The following CD247 variants were observed in gnomAD, a reference collection of about 807,000 sequenced individuals.
CD247 encodes CD247 molecule, also known as T-cell surface glycoprotein CD3 zeta chain.
A neutral mutation model predicts 30.0 loss-of-function variants in CD247; 13 were observed. The ratio of observed to expected loss-of-function variants is 0.43; its 90% CI spans 0.28 to 0.69. CD247 has a LOEUF of 0.69. Among genes scored for constraint, CD247 ranks in the 30% least tolerant of loss-of-function variants. The pLI is 0.16. For missense variants in CD247, 193 were observed against 212.6 expected (o/e 0.91, Z 0.57); for synonymous variants, 72 against 80.0 (o/e 0.90, Z 0.53).
Position 167,431,266 on chromosome 1 carries a change from A to T in CD247, c.*415T>A. 1 of 518,154 alleles carries T rather than the reference A, an allele frequency of 1.9e-6. No homozygotes were observed. The highest frequency in any genetic ancestry group is 3.4e-6 in the Non-Finnish European group (1 of 296,154). 32.1% of individuals were successfully genotyped at this position (518,154 alleles called of 1,614,324 possible). A position where few individuals can be genotyped will look rare whatever the true frequency, so the allele number is the denominator to read the frequency against. ...AGGTGACAACAGAAGCCAAATTTAC[A>T]GCAGGAGTGAAGCCACTCAGACACA... On this transcript the variant is annotated 3_prime_UTR_variant, in exon 8 of 8. Coordinates refer to ENST00000362089, the MANE Select transcript of CD247 (RefSeq NM_198053.3).
At chr1:167,497,309 T>C (rs1338933648) in intron 1 of CD247, among the ~76,000 whole-genome samples, 1 of 152,254 alleles carries the variant, frequency 6.6e-6, no homozygotes, top group African/African-American at 2.4e-5. Context: ...TTTCTCTTTG[T>C]TCTTTTCTAC....
intron 1 of CD247, among the ~76,000 whole-genome samples, chr1:167,516,548 T>C (rs537581993): frequency 1.1e-4 from 16 of 152,328 alleles, no homozygotes; most frequent in African/African-American, 3.6e-4. Flanking sequence ...CCGGGGAGAC[T>C]GTGGAGGTGT....
At chr1:167,437,177 C>A (rs1651584598) in intron 4 of CD247, among the ~76,000 whole-genome samples, 2 of 152,042 alleles carry the variant, frequency 1.3e-5, no homozygotes, top group Admixed American at 1.3e-4. Context: ...CTGAGGCGGG[C>A]AGATCACTTG....
intron 7 of CD247, 37 bp downstream of exon 7, chr1:167,432,987 G>A: frequency 6.2e-7 from 1 of 1,612,028 alleles, no homozygotes; most frequent in African/African-American, 1.3e-5. Flanking sequence ...TTGTCAGGTG[G>A]TGCCCCTTCC....
intron 1 of CD247, among the ~76,000 whole-genome samples, chr1:167,505,745 G>A (rs1571597497): frequency 1.3e-5 from 2 of 152,262 alleles, no homozygotes; most frequent in East Asian, 3.8e-4. Context: ...AGGGGGAGTG[G>A]GGAGGGGTTT....
intron 1 of CD247, among the ~76,000 whole-genome samples, chr1:167,488,719 G>A (rs546072594): frequency 1.3e-5 from 2 of 152,308 alleles, no homozygotes; most frequent in Admixed American, 6.5e-5. Flanking sequence ...GTCAAGCAGG[G>A]AATCTTTAGC....
In CD247 at chr1:167,431,714, G is replaced by A. The variant is rs181656780; in HGVS notation, c.462C>T (p.Asp154=). ...GGGGCAGGGCCTGCATGTGAAGGGCGTCGTAGGTGTCCTTGGTGGCTGTAC... is the reference window on the plus strand; with the variant it reads ...GGGGCAGGGCCTGCATGTGAAGGGCATCGTAGGTGTCCTTGGTGGCTGTAC... ...GLSTATKDTY[D]ALHMQALPPR The change falls in exon 8 of 8, where the codon GAC becomes GAT. Residue 154 remains aspartate, a synonymous_variant. Transcript: ENST00000362089. 26 of 1,614,124 alleles carry A rather than the reference G, an allele frequency of 1.6e-5. No homozygotes were observed. The highest frequency in any genetic ancestry group is 3.3e-4 in the Middle Eastern group (2 of 6,062).
At chr1:167,467,595 T>G (rs547544444) in intron 1 of CD247, among the ~76,000 whole-genome samples, 1 of 152,336 alleles carries the variant, frequency 6.6e-6, no homozygotes, top group East Asian at 1.9e-4. Flanking sequence ...CCCTAAGCGT[T>G]GGGGGCTGGC....
chr1:167,476,480 T>A (rs1470679563), intron 1 of CD247, among the ~76,000 whole-genome samples: 3 of 152,216 alleles, frequency 2.0e-5, no homozygotes, highest in African/African-American at 7.2e-5. Context: ...TAAAATAGTA[T>A]AATATATAGG....
chr1:167,513,031 G>T (rs912795778), intron 1 of CD247, among the ~76,000 whole-genome samples: 16 of 152,262 alleles, frequency 1.1e-4, no homozygotes, highest in Middle Eastern at 3.4e-3. Flanking sequence ...ATTTGCCCAA[G>T]AAAGTAACAA....
chr1:167,506,289 T>TTTTTC (rs1311084724), intron 1 of CD247, among the ~76,000 whole-genome samples: 2 of 11,934 alleles, frequency 1.7e-4, no homozygotes, highest in South Asian at 2.7e-3. Flanking sequence ...TTTCTTTTCT[T>TTTTTC]TTTTCTTTTC....
At chr1:167,513,575 G>A (rs1655483867) in intron 1 of CD247, among the ~76,000 whole-genome samples, 1 of 151,948 alleles carries the variant, frequency 6.6e-6, no homozygotes, top group East Asian at 1.9e-4. Context: ...TCTATATTTT[G>A]AGGAAACTGG....
At chr1:167,482,495 A>G (rs1361516248) in intron 1 of CD247, among the ~76,000 whole-genome samples, 2 of 152,204 alleles carry the variant, frequency 1.3e-5, no homozygotes, top group Non-Finnish European at 2.9e-5. Flanking sequence ...ACACTTCTGC[A>G]CTAAGAGTTG....
At chr1:167,498,515 T>C (rs945928785) in intron 1 of CD247, among the ~76,000 whole-genome samples, 2 of 152,362 alleles carry the variant, frequency 1.3e-5, no homozygotes, top group South Asian at 4.1e-4. Context: ...CCTTTCTACC[T>C]TTCCATTCAG....
intron 1 of CD247, among the ~76,000 whole-genome samples, chr1:167,480,093 G>A (rs781492976): frequency 2.8e-4 from 42 of 152,262 alleles, no homozygotes; most frequent in Middle Eastern, 3.4e-3. Flanking sequence ...GCCAAGAACC[G>A]ATTAGGCCGA....
intron 1 of CD247, among the ~76,000 whole-genome samples, chr1:167,489,807 C>T: frequency 6.6e-6 from 1 of 152,300 alleles, no homozygotes; most frequent in East Asian, 1.9e-4. Context: ...CCCTTTCTCA[C>T]AGGCGGTTTC....
chr1:167,485,978 T>C (rs149287954), intron 1 of CD247, among the ~76,000 whole-genome samples: 84 of 152,058 alleles, frequency 5.5e-4, no homozygotes, highest in African/African-American at 1.8e-3. Flanking sequence ...TTAAGAGTCA[T>C]TGTGGGCCGC....
At chr1:167,440,546 C>T (rs964889350) in intron 2 of CD247, 118 bp downstream of exon 2, 3 of 723,782 alleles carry the variant, frequency 4.1e-6, no homozygotes, top group African/African-American at 3.5e-5. Context: ...TTGCTTTGCT[C>T]CTGGATACCA....
chr1:167,434,701 C>G (rs1651444353), intron 5 of CD247: 2 of 436,644 alleles, frequency 4.6e-6, no homozygotes, highest in South Asian at 3.3e-5. Flanking sequence ...GCTGTGTCCC[C>G]CTACACCCCA....
Sources: allele counts gnomAD v4.1 joint callset (sites outside exome capture counted in the v4.1 genomes callset), GRCh38; gene constraint gnomAD v4.1.1; transcripts MANE v1.5; gene names NCBI Gene and HGNC (gene_info 2026-07-23, HGNC 2026-07-21).